The following TUT7 variants were observed in gnomAD, a reference collection of about 807,000 sequenced individuals.
The protein encoded by TUT7 is terminal uridylyltransferase 7.
In TUT7, 33 loss-of-function variants were observed where a neutral mutation model predicts 165.9. The observed-to-expected ratio is 0.20, with a 90% confidence interval of 0.15 to 0.27. The LOEUF (loss-of-function observed/expected upper bound fraction) is 0.27. TUT7 is among the 10% of genes least tolerant of loss of function. The pLI is 1.00. For missense variants in TUT7, 1,338 were observed against 1,762.3 expected (o/e 0.76, Z 4.31); for synonymous variants, 552 against 608.1 (o/e 0.91, Z 1.36).
intron 14 of TUT7, among the ~76,000 whole-genome samples, chr9:86,321,920 G>T (rs1829339072): frequency 6.6e-6 from 1 of 151,972 alleles, no homozygotes; most frequent in Non-Finnish European, 1.5e-5. Context: ...TACAAATAAT[G>T]AAAAATTTAG....
intron 4 of TUT7, 83 bp from the exon 5 acceptor site, chr9:86,345,237 A>G: frequency 1.5e-6 from 2 of 1,363,222 alleles, no homozygotes; most frequent in Non-Finnish European, 2.0e-6. Context: ...CACCCTATAG[A>G]GTTTTCTTTT....
chr9:86,312,189 G>C (rs1478962671), intron 17 of TUT7, among the ~76,000 whole-genome samples: 1 of 150,994 alleles, frequency 6.6e-6, no homozygotes, highest in Non-Finnish European at 1.5e-5. Context: ...GCCTCTTCCC[G>C]GCCGCCATCC....
chr9:86,319,782 A>G (rs1158187420), intron 14 of TUT7, 112 bp from the exon 15 acceptor site: 5 of 734,312 alleles, frequency 6.8e-6, no homozygotes, highest in Non-Finnish European at 8.9e-6. Context: ...AAATTTAAAA[A>G]TTCCTAAATC....
chr9:86,313,250 T>C (rs2131374194), intron 17 of TUT7, among the ~76,000 whole-genome samples: 1 of 152,194 alleles, frequency 6.6e-6, no homozygotes, highest in East Asian at 1.9e-4. Context: ...AGTTAGACAA[T>C]AACCCTGGCA....
At chr9:86,333,785 G>C (rs1475882095) in intron 10 of TUT7, among the ~76,000 whole-genome samples, 1 of 152,080 alleles carries the variant, frequency 6.6e-6, no homozygotes, top group African/African-American at 2.4e-5. Context: ...ATTTTTTGTT[G>C]AAAGCTAGAC....
chr9:86,340,211 T>C, intron 7 of TUT7, 106 bp from the exon 8 acceptor site: 1 of 888,426 alleles, frequency 1.1e-6, no homozygotes, highest in Non-Finnish European at 1.8e-6. Context: ...GTTGAGTCTT[T>C]TGAAAGACCA....
intron 16 of TUT7, among the ~76,000 whole-genome samples, chr9:86,318,012 A>G (rs1262292077): frequency 6.6e-6 from 1 of 152,204 alleles, no homozygotes; most frequent in East Asian, 1.9e-4. Context: ...ACTTTATTCA[A>G]ATTCAGGCTA....
intron 10 of TUT7, among the ~76,000 whole-genome samples, chr9:86,330,824 T>C (rs941453545): frequency 8.5e-5 from 13 of 152,062 alleles, no homozygotes; most frequent in African/African-American, 3.1e-4. Flanking sequence ...ACTTGCCCTA[T>C]GAACACTATT....
intron 16 of TUT7, among the ~76,000 whole-genome samples, 199 bp downstream of exon 16, chr9:86,318,759 T>A: frequency 6.6e-6 from 1 of 152,280 alleles, no homozygotes; most frequent in African/African-American, 2.4e-5. Flanking sequence ...TGCTACAGAG[T>A]GAAAGTATAA....
chr9:86,313,407 A>G (rs1310781451), intron 17 of TUT7, among the ~76,000 whole-genome samples: 1 of 152,190 alleles, frequency 6.6e-6, no homozygotes, highest in Non-Finnish European at 1.5e-5. Context: ...AGCTAGGGGT[A>G]GTAAGAGAGG....
At chr9:86,319,253 A>G (rs1279922804) in intron 15 of TUT7, among the ~76,000 whole-genome samples, 195 bp from the exon 16 acceptor site, 1 of 152,234 alleles carries the variant, frequency 6.6e-6, no homozygotes, top group Non-Finnish European at 1.5e-5. Context: ...TACAAGCTGT[A>G]TATGGCAAGA....
At chr9:86,310,464 A>C (rs911176004) in intron 18 of TUT7, among the ~76,000 whole-genome samples, 1 of 152,186 alleles carries the variant, frequency 6.6e-6, no homozygotes, top group Non-Finnish European at 1.5e-5. Flanking sequence ...AGTAGATATA[A>C]GATCTCTCTG....
intron 25 of TUT7, among the ~76,000 whole-genome samples, chr9:86,302,737 C>T (rs1827060328): frequency 6.6e-6 from 1 of 151,920 alleles, no homozygotes; most frequent in South Asian, 2.1e-4. Context: ...CAGCCTCAGC[C>T]TCCCAAGTAG....
Position 86,345,018 on chromosome 9 carries a change from A to C in TUT7, c.956T>G (p.Ile319Ser). Residue 319 changes from isoleucine to serine, a missense_variant, in exon 5 of 27, where the codon ATT becomes AGT. By Grantham distance (142) the Ile-to-Ser change is moderately radical. Coordinates refer to ENST00000375963, the MANE Select transcript of TUT7 (RefSeq NM_024617.4). ...GAACACATTTTCCATGATACGTTTA[A>C]TTTCCAGCCTCTGTTCCAAGTTCTC... Reference protein sequence around the residue: ...HNENLEQRLEIKRIMENVFQH... With the variant: ...HNENLEQRLESKRIMENVFQH... 1 of 1,613,262 alleles carries C rather than the reference A, an allele frequency of 6.2e-7. No individual in the cohort carries two copies. The highest frequency in any genetic ancestry group is 8.5e-7 in the Non-Finnish European group (1 of 1,179,718).
At chr9:86,320,276 ACTTGT>A (rs1829133585) in intron 14 of TUT7, among the ~76,000 whole-genome samples, 1 of 143,712 alleles carries the variant, frequency 7.0e-6, no homozygotes, top group Non-Finnish European at 1.6e-5. Context: ...AAAAAAAAGG[ACTTGT>A]TAAGAACACG....
intron 12 of TUT7, among the ~76,000 whole-genome samples, chr9:86,324,950 CA>C (rs1287251572): frequency 6.6e-6 from 1 of 152,122 alleles, no homozygotes; most frequent in Admixed American, 6.5e-5. Context: ...CTCACCTTTG[CA>C]AAACTAAACA....
rs1303061640 is a variant in TUT7, at chr9:86,305,182, A to G, written c.3886+10T>C. On this transcript the variant is annotated intron_variant, in intron 23 of 26. Transcript: ENST00000375963. ...AATAAAAAATAAAATTGACAAACGA[A>G]GTAACTCACTTTTCCTTGATAATCC... The G allele has an allele frequency of 6.3e-6, 10 of 1,593,416 alleles. No individual in the cohort carries two copies. The highest frequency in any genetic ancestry group is 8.5e-6 in the Non-Finnish European group (10 of 1,172,344).
At chr9:86,308,627 G>A (rs201959584) in intron 21 of TUT7, 21 bp from the exon 22 acceptor site, 1 of 1,576,982 alleles carries the variant, frequency 6.3e-7, no homozygotes. Flanking sequence ...AAGGGAACAA[G>A]GGATACCATG....
intron 7 of TUT7, 85 bp from the exon 8 acceptor site, chr9:86,340,190 G>C: frequency 8.9e-7 from 1 of 1,124,672 alleles, no homozygotes; most frequent in Non-Finnish European, 1.3e-6. Flanking sequence ...AGTACCAGTT[G>C]TCCCTTAGCT....
Sources: allele counts gnomAD v4.1 joint callset (sites outside exome capture counted in the v4.1 genomes callset), GRCh38; gene constraint gnomAD v4.1.1; transcripts MANE v1.5; gene names NCBI Gene and HGNC (gene_info 2026-07-23, HGNC 2026-07-21).